FAM234A: variants seen among roughly 807,000 people sequenced by gnomAD.
FAM234A encodes protein FAM234A.
Under a neutral mutation model 49.1 loss-of-function variants are expected in FAM234A, and 42 were observed. The ratio of observed to expected loss-of-function variants is 0.86; its 90% confidence interval spans 0.67 to 1.11. FAM234A has a LOEUF of 1.11. Among genes scored for constraint, FAM234A ranks in the 50% least tolerant of loss-of-function variants. The pLI is 0.00. For missense variants in FAM234A, 815 were observed against 745.2 expected (o/e 1.09, Z -1.09); for synonymous variants, 369 against 316.2 (o/e 1.17, Z -1.77).
intron 1 of FAM234A, chr16:240,051 C>G (rs2050557006): frequency 6.6e-6 from 1 of 152,198 alleles, no homozygotes; most frequent in Non-Finnish European, 1.5e-5. Flanking sequence ...TCAGCTGAAA[C>G]ATCTGCCTCA....
Position 265,184 on chromosome 16 carries a change from C to T in FAM234A, c.*162C>T, listed in dbSNP as rs2051650681. The T allele has an allele frequency of 5.6e-6, 8 of 1,422,246 alleles. No individual in the cohort carries two copies. Among genetic ancestry groups the T allele is most frequent in the South Asian group, 1.6e-5 (1 of 63,906 alleles). The allele number at this position is 1,422,246 out of a possible 1,614,324, so 88.1% of individuals were successfully genotyped here. The stretch of plus-strand genomic sequence containing the variant: ...CCTTACCAGTCCTCCATGATCACAC[C>T]CAGGGACCTGCATGGGTGAGGGGAC... On this transcript the variant is annotated 3_prime_UTR_variant, in exon 13 of 13. Coordinates refer to ENST00000399932, the MANE Select transcript of FAM234A (RefSeq NM_032039.4).
At chr16:253,411 A>G (rs894191548) in intron 2 of FAM234A, among the ~76,000 whole-genome samples, 1 of 152,094 alleles carries the variant, frequency 6.6e-6, no homozygotes, top group African/African-American at 2.4e-5. Context: ...TATTTTATTA[A>G]TAATAATTAG....
intron 1 of FAM234A, among the ~76,000 whole-genome samples, chr16:246,736 T>C (rs192311561): frequency 6.6e-6 from 1 of 150,998 alleles, no homozygotes; most frequent in African/African-American, 2.5e-5. Context: ...GTTTTTTTTT[T>C]TTCGATCGAT....
intron 1 of FAM234A, 91 bp downstream of exon 1, chr16:234,948 C>G (rs998455301): frequency 6.6e-6 from 1 of 152,376 alleles, no homozygotes; most frequent in Non-Finnish European, 1.5e-5. Context: ...CCCAGGTTCC[C>G]CAGTCCCTCG....
At chr16:242,956 ATTTTC>A (rs1251304922) in intron 1 of FAM234A, among the ~76,000 whole-genome samples, 8 of 147,128 alleles carry the variant, frequency 5.4e-5, no homozygotes, top group Admixed American at 4.7e-4. Flanking sequence ...GTATTGACAA[ATTTTC>A]TTTTCTTTCT....
chr16:244,257 C>A (rs570333155), intron 1 of FAM234A, among the ~76,000 whole-genome samples: 4 of 152,220 alleles, frequency 2.6e-5, no homozygotes, highest in African/African-American at 9.7e-5. Flanking sequence ...CGTGAGCCAC[C>A]GCGCCCGGTC....
chr16:267,119 C>T (rs570292630), downstream of FAM234A, among the ~76,000 whole-genome samples: 13 of 152,252 alleles, frequency 8.5e-5, no homozygotes, highest in African/African-American at 2.9e-4. Flanking sequence ...CCTGTGGTCA[C>T]TGCGGGCCCT....
intron 1 of FAM234A, among the ~76,000 whole-genome samples, chr16:239,427 C>T (rs1349546760): frequency 1.3e-5 from 2 of 150,586 alleles, no homozygotes; most frequent in South Asian, 2.1e-4. Flanking sequence ...TCCTGGCTAA[C>T]GTGGTGAAAC....
chr16:238,504 C>T (rs930409371), intron 1 of FAM234A, among the ~76,000 whole-genome samples: 18 of 151,980 alleles, frequency 1.2e-4, no homozygotes, highest in African/African-American at 2.9e-4. Context: ...CGGTGGCTCA[C>T]GCCTGTAATC....
downstream of FAM234A, chr16:266,192 GA>G: frequency 3.7e-6 from 3 of 802,840 alleles, no homozygotes; most frequent in Non-Finnish European, 4.5e-6. Context: ...GAGTGACCAG[GA>G]ATTTGCTGGC....
At chr16:269,033 G>A (rs756142692), downstream of FAM234A, 10 of 1,255,390 alleles carry the variant, frequency 8.0e-6, no homozygotes, top group Non-Finnish European at 1.1e-5. Flanking sequence ...GACCCAAGCT[G>A]AGCCAATGAA....
chr16:240,692 G>A (rs762284450), intron 1 of FAM234A, among the ~76,000 whole-genome samples: 1 of 151,980 alleles, frequency 6.6e-6, no homozygotes, highest in African/African-American at 2.4e-5. Flanking sequence ...AGTAGAGATG[G>A]GGTTTCACAA....
rs531225241 is a variant in FAM234A at position 254,147 on chromosome 16, C to T, written c.-33-234C>T. 12 of 481,202 alleles carry T rather than the reference C, an allele frequency of 2.5e-5. No individual in the cohort carries two copies. The South Asian group carries it at 2.5e-4, about 10-fold the overall frequency. The allele number at this position is 481,202 out of a possible 1,614,324, so 29.8% of individuals were successfully genotyped here. On this transcript the variant is annotated intron_variant, in intron 2 of 12. Transcript: ENST00000399932. ...GTGTTCTGGATGAAAATAGTTCCTG[C>T]CTGCTGGCTCTCCACAGCTAACTCG...
chr16:262,002 C>T (rs1007043266), intron 6 of FAM234A, 91 bp from the exon 7 acceptor site: 9 of 961,216 alleles, frequency 9.4e-6, no homozygotes, highest in African/African-American at 6.1e-5. Flanking sequence ...CATTGCAGCC[C>T]CAGGCTCAGG....
In FAM234A at chr16:265,933, C is replaced by T; in HGVS notation, c.*911C>T. On this transcript the variant is annotated 3_prime_UTR_variant, in exon 13 of 13. Coordinates refer to ENST00000399932, the MANE Select transcript of FAM234A (RefSeq NM_032039.4). ...CCACGCCGTGCCACCCGATGCAGGA[C>T]TCACCTCTGTGCCTTGCTGCTCCTG... is the stretch of plus-strand genomic sequence containing the variant. 1 of 986,208 alleles carries T rather than the reference C, an allele frequency of 1.0e-6. No homozygotes were observed. Among genetic ancestry groups the T allele is most frequent in the Non-Finnish European group, 1.2e-6 (1 of 830,242 alleles). The allele number at this position is 986,208 out of a possible 1,614,324, so 61.1% of individuals were successfully genotyped here.
chr16:250,268 T>G (rs2141248369), intron 2 of FAM234A, among the ~76,000 whole-genome samples: 1 of 152,342 alleles, frequency 6.6e-6, no homozygotes, highest in South Asian at 2.1e-4. Flanking sequence ...CATCCCTTCC[T>G]TGGGGACATG....
chr16:239,001 G>C (rs939194399), intron 1 of FAM234A, among the ~76,000 whole-genome samples: 3 of 146,926 alleles, frequency 2.0e-5, no homozygotes, highest in African/African-American at 7.6e-5. Flanking sequence ...AGAGTTGTTT[G>C]AACCCAGGAG....
chr16:243,019 G>A (rs1055904595), intron 1 of FAM234A, among the ~76,000 whole-genome samples: 1 of 142,606 alleles, frequency 7.0e-6, no homozygotes, highest in Non-Finnish European at 1.5e-5. Flanking sequence ...TCACTCTGTT[G>A]CCCAAACTGG....
chr16:260,219 C>T (rs1189632902), intron 5 of FAM234A, 59 bp downstream of exon 5: 1 of 1,515,780 alleles, frequency 6.6e-7, no homozygotes, highest in South Asian at 1.2e-5. Flanking sequence ...CCACCTCACC[C>T]TGAGGGCTAA....
Sources: allele counts gnomAD v4.1 joint callset (sites outside exome capture counted in the v4.1 genomes callset), GRCh38; gene constraint gnomAD v4.1.1; transcripts MANE v1.5; gene names NCBI Gene and HGNC (gene_info 2026-07-23, HGNC 2026-07-21).